NCKAP1: variants seen among roughly 807,000 people sequenced by gnomAD.
NCKAP1 encodes the protein nck-associated protein 1.
A neutral mutation model predicts 151.2 loss-of-function variants in NCKAP1; 21 were observed. That is an observed-to-expected ratio of 0.14 (90% confidence interval 0.10 to 0.20). NCKAP1 has a LOEUF of 0.20. NCKAP1 is among the 10% of genes least tolerant of loss of function. The pLI, the probability that NCKAP1 is intolerant of heterozygous loss-of-function variation, is 1.00. For synonymous variants in NCKAP1, 484 were observed against 451.8 expected, an observed-to-expected ratio of 1.07 and a Z score of -0.90; for missense variants, 933 against 1,352.1, an observed-to-expected ratio of 0.69 and a Z score of 4.86.
chr2:182,971,238 C>T (rs1291026174), intron 15 of NCKAP1, among the ~76,000 whole-genome samples: 2 of 150,454 alleles, frequency 1.3e-5, no homozygotes, highest in Non-Finnish European at 3.0e-5. Flanking sequence ...ACTAAAAATA[C>T]AAAAAATTAG....
At chr2:182,964,898 G>C in intron 16 of NCKAP1, 90 bp from the exon 17 acceptor site, 1 of 983,102 alleles carries the variant, frequency 1.0e-6, no homozygotes, top group Non-Finnish European at 1.5e-6. Context: ...TCAAGTGAAT[G>C]AATGATAACT....
rs937697798 is a variant in NCKAP1, at chr2:182,967,081, A to C, written c.1628+135T>G. On this transcript the variant is annotated intron_variant, in intron 16 of 30. Coordinates refer to ENST00000361354, the MANE Select transcript of NCKAP1 (RefSeq NM_013436.5). ...CTTTTTGTTGGCACATTTTAATAAAAGTCCACTATTCCCTTTATTCTTAAG... is the reference window on the plus strand; with the variant it reads ...CTTTTTGTTGGCACATTTTAATAAACGTCCACTATTCCCTTTATTCTTAAG... The C allele has an allele frequency of 6.6e-6, 5 of 758,272 alleles. No individual in the cohort carries two copies. In the African/African-American group the frequency reaches 7.4e-5, roughly 11 times the overall value. 47.0% of individuals were successfully genotyped at this position (758,272 alleles called of 1,614,324 possible).
intron 13 of NCKAP1, among the ~76,000 whole-genome samples, chr2:182,979,387 G>T (rs1426950178): frequency 6.6e-6 from 1 of 152,168 alleles, no homozygotes; most frequent in South Asian, 2.1e-4. Context: ...TTTGTTGTCT[G>T]TATGTTAGGC....
At chr2:182,985,083 T>C (rs537082743) in intron 10 of NCKAP1, among the ~76,000 whole-genome samples, 50 of 152,210 alleles carry the variant, frequency 3.3e-4, no homozygotes, top group Non-Finnish European at 6.2e-4. Context: ...GAAATCATTT[T>C]TGAAAAATTA....
At chr2:183,015,949 T>G (rs747206684) in intron 2 of NCKAP1, among the ~76,000 whole-genome samples, 1 of 151,078 alleles carries the variant, frequency 6.6e-6, no homozygotes, top group Non-Finnish European at 1.5e-5. Flanking sequence ...CAAAAAACAC[T>G]GGGAAAAAGG....
chr2:182,968,237 G>A (rs372069876), intron 15 of NCKAP1, among the ~76,000 whole-genome samples: 8 of 152,278 alleles, frequency 5.3e-5, no homozygotes, highest in African/African-American at 1.7e-4. Context: ...ACTGGGAAGG[G>A]AAAGGAAGCA....
intron 14 of NCKAP1, 22 bp downstream of exon 14, chr2:182,978,811 CT>C: frequency 7.3e-7 from 1 of 1,373,752 alleles, no homozygotes; most frequent in Non-Finnish European, 1.0e-6. Flanking sequence ...AGAAAATATG[CT>C]TTTATTTAAA....
intron 2 of NCKAP1, among the ~76,000 whole-genome samples, 160 bp downstream of exon 2, chr2:183,023,646 G>A (rs926732695): frequency 2.0e-5 from 3 of 151,664 alleles, no homozygotes; most frequent in South Asian, 2.1e-4. Flanking sequence ...TTCCGGTCTC[G>A]GACATAAGAA....
Position 182,952,514 on chromosome 2 carries a change from C to T in NCKAP1, c.2504-12G>A. On this transcript the variant is annotated splice_polypyrimidine_tract_variant and intron_variant, in intron 22 of 30. Transcript: ENST00000361354. ...TAATGACCTCATTTCTGAAAGAAAA[C>T]ATACTTAATTTTATACTTCCGACAG... is the stretch of plus-strand genomic sequence containing the variant. 1.3e-6 allele frequency: 2 copies of T among 1,550,450 alleles called. No individual in the cohort carries two copies. Among genetic ancestry groups the T allele is most frequent in the South Asian group, 2.3e-5 (2 of 85,210 alleles).
Position 182,969,686 on chromosome 2 carries a change from T to C in NCKAP1, c.1483-2325A>G, listed in dbSNP as rs558656150. 4.6e-5 allele frequency among the ~76,000 whole-genome samples: 7 copies of C among 152,122 alleles called. No individual in the cohort carries two copies. The South Asian group carries it at 1.5e-3, about 32-fold the overall frequency. ...AAGTTTATAGCAATAAACACCTATA[T>C]TAATAAAGTAGAAAGACCAAATAAC... On this transcript the variant is annotated intron_variant, in intron 15 of 30. Transcript: ENST00000361354.
Position 182,928,639 on chromosome 2 carries a change from T to C in NCKAP1, c.3070+144A>G. 4 of 557,866 alleles carry C rather than the reference T, an allele frequency of 7.2e-6. No individual in the cohort carries two copies. In the South Asian group the frequency reaches 1.2e-4, roughly 16 times the overall value. 34.6% of individuals were successfully genotyped at this position (557,866 alleles called of 1,614,324 possible). ...AGCTTACTTACACACATTTCATATA[T>C]CAGGAAACTGCAGTTTAGGAAAAGG... is the stretch of plus-strand genomic sequence containing the variant. On this transcript the variant is annotated intron_variant, in intron 28 of 30. Coordinates refer to ENST00000361354, the MANE Select transcript of NCKAP1 (RefSeq NM_013436.5).
intron 12 of NCKAP1, 38 bp downstream of exon 12, chr2:182,982,783 A>G: frequency 7.4e-7 from 1 of 1,351,388 alleles, no homozygotes. Flanking sequence ...AGAAGCATCT[A>G]TATACAGAAA....
intron 23 of NCKAP1, among the ~76,000 whole-genome samples, chr2:182,948,708 T>C (rs1697155786): frequency 6.6e-6 from 1 of 152,032 alleles, no homozygotes. Context: ...TTTCACAAAA[T>C]ATAAGATGTG....
In NCKAP1 at chr2:182,916,544, G is replaced by C. The variant is rs1696471778; in HGVS notation, c.*9158C>G. The C allele has an allele frequency of 6.6e-6, 1 of 152,132 alleles. No homozygotes were observed. The highest frequency in any genetic ancestry group is 6.6e-5 in the Admixed American group (1 of 15,252). 9.4% of individuals were successfully genotyped at this position (152,132 alleles called of 1,614,324 possible). A position where few individuals can be genotyped will look rare whatever the true frequency, so the allele number is the denominator to read the frequency against. On this transcript the variant is annotated 3_prime_UTR_variant, in exon 31 of 31. Transcript: ENST00000361354. ...GTACTATAATAAAGGCATTTATAAG[G>C]TTTAGAAGAAACAGGATGGCATGGT...
intron 1 of NCKAP1, among the ~76,000 whole-genome samples, chr2:183,029,484 A>T (rs1698963942): frequency 6.6e-6 from 1 of 152,060 alleles, no homozygotes; most frequent in Admixed American, 6.6e-5. Context: ...ACAGATTTTT[A>T]AAATTCCTCT....
chr2:183,013,803 C>T (rs1186415077), intron 2 of NCKAP1, among the ~76,000 whole-genome samples: 4 of 152,126 alleles, frequency 2.6e-5, no homozygotes, highest in South Asian at 2.1e-4. Flanking sequence ...GTCCTACCAC[C>T]GTCCCCTTCA....
chr2:182,934,437 G>C (rs985554946), intron 26 of NCKAP1: 3 of 164,768 alleles, frequency 1.8e-5, no homozygotes, highest in African/African-American at 4.8e-5. Flanking sequence ...GTGAGCCACC[G>C]TGCCTGGCCA....
At chr2:183,023,665 C>CA (rs1220943459) in intron 2 of NCKAP1, 141 bp downstream of exon 2, 5 of 572,854 alleles carry the variant, frequency 8.7e-6, no homozygotes, top group East Asian at 3.1e-5. Context: ...AATATTGTCT[C>CA]AAAAAAACCC....
At chr2:183,002,395 T>C in intron 4 of NCKAP1, 126 bp from the exon 5 acceptor site, 1 of 665,084 alleles carries the variant, frequency 1.5e-6, no homozygotes, top group South Asian at 2.7e-5. Flanking sequence ...TGTTCTAAAA[T>C]GCTAATTCCT....
Sources: allele counts gnomAD v4.1 joint callset (sites outside exome capture counted in the v4.1 genomes callset), GRCh38; gene constraint gnomAD v4.1.1; transcripts MANE v1.5; gene names NCBI Gene and HGNC (gene_info 2026-07-23, HGNC 2026-07-21).